The following SLFN12L variants were observed in gnomAD, a reference collection of about 807,000 sequenced individuals.
SLFN12L encodes schlafen family member 12-like.
Under a neutral mutation model 34.8 loss-of-function variants are expected in SLFN12L, and 34 were observed. That is an observed-to-expected ratio of 0.98 (90% CI 0.74 to 1.30). The LOEUF (loss-of-function observed/expected upper bound fraction) is 1.30, where lower values mean the gene tolerates loss of function less well. Among genes scored for constraint, SLFN12L ranks in the 50% most tolerant of loss-of-function variants. The probability of loss-of-function intolerance (pLI) is 0.00; values close to 1 mark genes in which losing one functional copy is unlikely to be tolerated. For synonymous variants in SLFN12L, 259 were observed against 247.5 expected (o/e 1.05, Z -0.44); for missense variants, 703 against 696.2 (o/e 1.01, Z -0.11).
chr17:35,515,690 C>T (rs1286747482), intron 2 of SLFN12L, among the ~76,000 whole-genome samples: 3 of 130,800 alleles, frequency 2.3e-5, no homozygotes, highest in Non-Finnish European at 4.6e-5. Context: ...GTTGCCCAGG[C>T]TGGAGTGAAG....
chr17:35,515,696 T>C (rs1915805191), intron 2 of SLFN12L, among the ~76,000 whole-genome samples: 2 of 135,714 alleles, frequency 1.5e-5, no homozygotes, highest in South Asian at 4.8e-4. Context: ...CAGGCTGGAG[T>C]GAAGTGGCAC....
rs1437209578 is a variant in SLFN12L at position 35,468,442 on chromosome 17, C to G, written c.*6481G>C. Among the ~76,000 whole-genome samples, 1 of 152,158 alleles carries G rather than the reference C, an allele frequency of 6.6e-6. No individual in the cohort carries two copies. The highest frequency in any genetic ancestry group is 2.4e-5 in the African/African-American group (1 of 41,428). ...CCTCAGATGACATCGATCCAGCTTA[C>G]CGTCAGAGATGAATTTACCCCTGCA... On this transcript the variant is annotated 3_prime_UTR_variant, in exon 5 of 5. Transcript: ENST00000628453.
chr17:35,512,359 ATT>A (rs35126425), intron 2 of SLFN12L, among the ~76,000 whole-genome samples: 716 of 53,840 alleles, frequency 0.013, 28 homozygotes, highest in African/African-American at 0.049. Flanking sequence ...AAAAGAGCTG[ATT>A]TTTTTTTTTT....
chr17:35,510,640 G>A (rs1261409123), intron 2 of SLFN12L, among the ~76,000 whole-genome samples: 1 of 152,180 alleles, frequency 6.6e-6, no homozygotes, highest in Non-Finnish European at 1.5e-5. Flanking sequence ...ATTTCTTTGT[G>A]AGGTGGATAG....
At chr17:35,499,335 G>A (rs544529242) in intron 2 of SLFN12L, among the ~76,000 whole-genome samples, 2 of 152,222 alleles carry the variant, frequency 1.3e-5, no homozygotes, top group East Asian at 3.9e-4. Context: ...TTGAATTCCT[G>A]CACATGCCTA....
intron 4 of SLFN12L, among the ~76,000 whole-genome samples, chr17:35,477,425 T>A (rs1256138476): frequency 6.6e-6 from 1 of 152,164 alleles, no homozygotes; most frequent in Non-Finnish European, 1.5e-5. Context: ...AAATGGCAAG[T>A]TTGACTATAT....
At chr17:35,517,897 C>A (rs1915880680) in intron 2 of SLFN12L, among the ~76,000 whole-genome samples, 1 of 152,134 alleles carries the variant, frequency 6.6e-6, no homozygotes, top group Non-Finnish European at 1.5e-5. Flanking sequence ...AAAATTAACT[C>A]AAGATGGATT....
Position 35,522,309 on chromosome 17 carries a change from C to A in SLFN12L, c.56G>T (p.Cys19Phe). Reference sequence around the variant, plus strand: ...GAAATTCCTCAGAAACTGACTTTCACAAATGTAGAGAATTCTGTGTGCCTC... The same window carrying A: ...GAAATTCCTCAGAAACTGACTTTCAAAAATGTAGAGAATTCTGTGTGCCTC... ...HCEAHRILYI[C>F]ESQFLRNFIR... is the part of the protein sequence containing the mutation. The change falls in exon 2 of 5, where the codon TGT (cysteine) becomes TTT (phenylalanine). Residue 19 changes from cysteine to phenylalanine, a missense_variant. Cys to Phe is a radical substitution (Grantham distance 205). Transcript: ENST00000628453. 6.2e-7 allele frequency: 1 copy of A among 1,614,158 alleles called. No homozygotes were observed. The highest frequency in any genetic ancestry group is 8.5e-7 in the Non-Finnish European group (1 of 1,180,022).
At chr17:35,487,699 A>C (rs1217505713) in intron 2 of SLFN12L, 1 of 1,468,826 alleles carries the variant, frequency 6.8e-7, no homozygotes, top group East Asian at 2.6e-5. Flanking sequence ...GCGAAAAAAA[A>C]GTTATTTAAA....
In SLFN12L at chr17:35,472,079, T is replaced by C. The variant is rs755979832; in HGVS notation, c.*2844A>G. Among the ~76,000 whole-genome samples the C allele has an allele frequency of 2.0e-5, 3 of 152,250 alleles. No homozygotes were observed. The highest frequency in any genetic ancestry group is 2.1e-4 in the South Asian group (1 of 4,834). ...CTTTAGTTTAATTAGATCCCGTTTG[T>C]CAACTTTGGCTTTCGTTGCAATTGC... On this transcript the variant is annotated 3_prime_UTR_variant, in exon 5 of 5. Coordinates refer to ENST00000628453, the MANE Select transcript of SLFN12L (RefSeq NM_001363830.2).
chr17:35,507,903 G>A (rs572010563), intron 2 of SLFN12L, among the ~76,000 whole-genome samples: 5 of 152,278 alleles, frequency 3.3e-5, no homozygotes, highest in South Asian at 4.1e-4. Context: ...CTCAAAGAGG[G>A]GGAATAAGGG....
At chr17:35,475,514 A>C (rs775454471) in intron 4 of SLFN12L, 29 bp from the exon 5 acceptor site, 1 of 1,520,008 alleles carries the variant, frequency 6.6e-7, no homozygotes, top group Non-Finnish European at 8.8e-7. Flanking sequence ...ATAAATTATA[A>C]AAGACTGAGA....
intron 2 of SLFN12L, among the ~76,000 whole-genome samples, chr17:35,495,938 CACACACACAA>C (rs1449549686): frequency 1.2e-4 from 15 of 129,832 alleles, no homozygotes; most frequent in African/African-American, 4.1e-4. Flanking sequence ...CACACACACA[CACACACACAA>C]CAAAACGCCA....
intron 2 of SLFN12L, among the ~76,000 whole-genome samples, chr17:35,515,633 ATTTTTTTTTTT>A: frequency 1.3e-5 from 1 of 78,112 alleles, no homozygotes; most frequent in South Asian, 5.3e-4. Flanking sequence ...ACGCCCGGCA[ATTTTTTTTTTT>A]TTTTTTTTTT....
chr17:35,530,432 AAGGGAAGGGAAGAAAGAAAGAAAGAAAG>A (rs2072389163), intron 1 of SLFN12L, among the ~76,000 whole-genome samples: 4 of 9,412 alleles, frequency 4.2e-4, no homozygotes, highest in African/African-American at 8.7e-4. Flanking sequence ...GAAGGAAGGG[AAGGGAAGGGAAGAAAGAAAGAAAGAAAG>A]AAAGAAAGAA....
intron 2 of SLFN12L, among the ~76,000 whole-genome samples, chr17:35,519,243 C>T (rs975377341): frequency 4.6e-5 from 7 of 152,208 alleles, no homozygotes; most frequent in Admixed American, 2.6e-4. Flanking sequence ...AATGCATGCA[C>T]GGCTTAAAAT....
At chr17:35,530,432 AAGG>A (rs1567693962) in intron 1 of SLFN12L, among the ~76,000 whole-genome samples, 517 of 9,352 alleles carry the variant, frequency 0.055, 100 homozygotes, top group East Asian at 0.12. Context: ...GAAGGAAGGG[AAGG>A]GAAGGGAAGA....
chr17:35,491,044 G>C, intron 2 of SLFN12L: 1 of 786,430 alleles, frequency 1.3e-6, no homozygotes, highest in Non-Finnish European at 2.4e-6. Flanking sequence ...AGCAGACTGC[G>C]GACCAAATTC....
chr17:35,490,787 A>C, intron 2 of SLFN12L: 1 of 1,482,610 alleles, frequency 6.7e-7, no homozygotes. Flanking sequence ...GCCCCTCCAG[A>C]AATAAGACTT....
Sources: gnomAD v4.1 joint callset for allele counts (sites outside exome capture counted in the v4.1 genomes callset) on GRCh38, gnomAD v4.1.1 for gene constraint, MANE v1.5 for transcripts, NCBI Gene and HGNC (gene_info 2026-07-23, HGNC 2026-07-21) for gene names.